The following RAD51 variants were observed in gnomAD, a reference collection of about 807,000 sequenced individuals.
RAD51 encodes DNA repair protein RAD51 homolog 1.
Under a neutral mutation model 41.5 loss-of-function variants are expected in RAD51, and 14 were observed. The observed-to-expected ratio is 0.34, with a 90% confidence interval of 0.22 to 0.53. The LOEUF (loss-of-function observed/expected upper bound fraction) is 0.53. Among genes scored for constraint, RAD51 ranks in the 20% least tolerant of loss-of-function variants. RAD51 has a pLI of 0.95. For synonymous variants in RAD51, 136 were observed against 148.6 expected (o/e 0.92, Z 0.62); for missense variants, 234 against 422.0 (o/e 0.55, Z 3.90).
At chr15:40,696,271 G>T (rs1894627367) in intron 1 of RAD51, among the ~76,000 whole-genome samples, 1 of 152,054 alleles carries the variant, frequency 6.6e-6, no homozygotes, top group African/African-American at 2.4e-5. Flanking sequence ...ATACAACTCC[G>T]TGAATTATTA....
chr15:40,701,097 T>C lies in RAD51; in HGVS notation c.121T>C (p.Leu41=), dbSNP rs749742647. 1.2e-6 allele frequency: 2 copies of C among 1,614,202 alleles called. No individual in the cohort carries two copies. The highest frequency in any genetic ancestry group is 2.2e-5 in the South Asian group (2 of 91,082). ...CGINANDVKK[L]EEAGFHTVEA... is the part of the protein sequence containing the mutation. ...CATAAATGCCAACGATGTGAAGAAA[T>C]TGGAAGAAGCTGGATTCCATACTGT... Residue 41 remains leucine, a synonymous_variant, in exon 3 of 10, where the codon TTG becomes CTG. Transcript: ENST00000267868.
At position 40,731,783 on chromosome 15, in the gene RAD51, T is replaced by A. The variant is rs1018268297; in HGVS notation, c.*605T>A. ...AGACTAACTCAAGATAATCCTAGAG[T>A]CTTAAAGCATTTCAGGCCAGTGTGG... is the stretch of plus-strand genomic sequence containing the variant. On this transcript the variant is annotated 3_prime_UTR_variant, in exon 10 of 10. Transcript: ENST00000267868. 2.3e-5 allele frequency: 5 copies of A among 214,604 alleles called. No individual in the cohort carries two copies. Among genetic ancestry groups the A allele is most frequent in the Admixed American group, 5.7e-5 (1 of 17,466 alleles). 13.3% of individuals were successfully genotyped at this position (214,604 alleles called of 1,614,324 possible).
At chr15:40,713,038 G>A (rs1172198001) in intron 5 of RAD51, among the ~76,000 whole-genome samples, 5 of 150,648 alleles carry the variant, frequency 3.3e-5, no homozygotes, top group African/African-American at 9.8e-5. Context: ...CGGCCACCAC[G>A]TCCAGCTAAT....
In RAD51 at chr15:40,728,700, C is replaced by T; in HGVS notation, c.531-11C>T. On this transcript the variant is annotated splice_polypyrimidine_tract_variant and intron_variant, in intron 6 of 9. Coordinates refer to ENST00000267868, the MANE Select transcript of RAD51 (RefSeq NM_002875.5). ...GTGTGCAGCCTAAAAATGTTCTCTC[C>T]TCTCTCATAGGTATGGTCTCTCTGG... 1 of 1,610,176 alleles carries T rather than the reference C, an allele frequency of 6.2e-7. No individual in the cohort carries two copies. The highest frequency in any genetic ancestry group is 1.1e-5 in the South Asian group (1 of 91,006).
chr15:40,696,915 C>T (rs1894675394), intron 1 of RAD51, among the ~76,000 whole-genome samples: 1 of 152,072 alleles, frequency 6.6e-6, no homozygotes, highest in Non-Finnish European at 1.5e-5. Context: ...TGTGCTTGTT[C>T]AAATCTCTTG....
At chr15:40,730,911 C>T (rs1046973945) in intron 9 of RAD51, 144 bp from the exon 10 acceptor site, 2 of 1,052,388 alleles carry the variant, frequency 1.9e-6, no homozygotes, top group Non-Finnish European at 2.8e-6. Context: ...GTTGGAAATG[C>T]ACTAAGGAAA....
chr15:40,726,405 C>A (rs1348984078), intron 6 of RAD51, among the ~76,000 whole-genome samples: 1 of 151,790 alleles, frequency 6.6e-6, no homozygotes, highest in Non-Finnish European at 1.5e-5. Context: ...GCGTGCACCA[C>A]CACACCCATC....
intron 9 of RAD51, among the ~76,000 whole-genome samples, chr15:40,730,520 C>CTTTTTTTTTTTTTTTTTTT (rs778467789): frequency 1.3e-4 from 15 of 113,038 alleles, no homozygotes; most frequent in Non-Finnish European, 2.0e-4. Context: ...AATTTTTTTT[C>CTTTTTTTTTTTTTTTTTTT]TTTTTTTTTT....
chr15:40,724,350 C>G (rs749737257), intron 6 of RAD51, among the ~76,000 whole-genome samples: 1 of 152,136 alleles, frequency 6.6e-6, no homozygotes, highest in African/African-American at 2.4e-5. Context: ...CTAAAACATT[C>G]TCTTGTAACA....
At chr15:40,698,932 T>G in intron 2 of RAD51, 87 bp downstream of exon 2, 2 of 1,355,722 alleles carry the variant, frequency 1.5e-6, no homozygotes, top group Non-Finnish European at 2.1e-6. Flanking sequence ...AAAATATAGG[T>G]TTACTACCAA....
At chr15:40,721,963 CAATG>C (rs769446503) in intron 6 of RAD51, among the ~76,000 whole-genome samples, 7 of 152,172 alleles carry the variant, frequency 4.6e-5, no homozygotes, top group Non-Finnish European at 1.0e-4. Flanking sequence ...TACATACACA[CAATG>C]AAATATCATT....
At chr15:40,709,653 G>A (rs1469101601) in intron 5 of RAD51, among the ~76,000 whole-genome samples, 1 of 152,108 alleles carries the variant, frequency 6.6e-6, no homozygotes, top group African/African-American at 2.4e-5. Context: ...AATTATAGGC[G>A]TAAGCCACTG....
At chr15:40,705,096 C>A (rs1288717362) in intron 3 of RAD51, among the ~76,000 whole-genome samples, 29 of 152,214 alleles carry the variant, frequency 1.9e-4, no homozygotes, top group Admixed American at 1.8e-3. Flanking sequence ...AGGTGTGATT[C>A]ACCACACCCA....
chr15:40,701,530 C>T (rs373763945), intron 3 of RAD51, among the ~76,000 whole-genome samples: 4 of 151,632 alleles, frequency 2.6e-5, no homozygotes, highest in African/African-American at 9.7e-5. Flanking sequence ...CAGGCACATG[C>T]CACCATGCCG....
At chr15:40,730,520 CTTTTTTTTTTTT>C (rs778467789) in intron 9 of RAD51, among the ~76,000 whole-genome samples, 6 of 113,110 alleles carry the variant, frequency 5.3e-5, no homozygotes, top group African/African-American at 2.4e-4. Context: ...AATTTTTTTT[CTTTTTTTTTTTT>C]TTTTTTTGAG....
intron 2 of RAD51, among the ~76,000 whole-genome samples, chr15:40,699,608 C>A (rs1368835023): frequency 6.6e-6 from 1 of 152,214 alleles, no homozygotes; most frequent in South Asian, 2.1e-4. Context: ...GCTATTTGCA[C>A]TAAGTATGAA....
intron 6 of RAD51, among the ~76,000 whole-genome samples, chr15:40,728,392 G>A (rs1233654583): frequency 1.3e-5 from 2 of 151,970 alleles, no homozygotes; most frequent in Non-Finnish European, 2.9e-5. Flanking sequence ...AGGAGGTGGA[G>A]GTTGCAATGA....
intron 6 of RAD51, among the ~76,000 whole-genome samples, chr15:40,728,150 G>T (rs530695471): frequency 6.6e-6 from 1 of 152,132 alleles, no homozygotes; most frequent in Non-Finnish European, 1.5e-5. Flanking sequence ...GTGAGCCACC[G>T]CACCTGGCCC....
At chr15:40,713,553 A>T in intron 5 of RAD51, among the ~76,000 whole-genome samples, 1 of 92,166 alleles carries the variant, frequency 1.1e-5, no homozygotes, top group Non-Finnish European at 2.2e-5. Context: ...TTTTGTTGTC[A>T]TTTTAATTGT....
Sources: gnomAD v4.1 joint callset for allele counts (sites outside exome capture counted in the v4.1 genomes callset) on GRCh38, gnomAD v4.1.1 for gene constraint, MANE v1.5 for transcripts, NCBI Gene and HGNC (gene_info 2026-07-23, HGNC 2026-07-21) for gene names.